The following IL4R variants were observed in gnomAD, a reference collection of about 807,000 sequenced individuals.
The protein encoded by IL4R is interleukin-4 receptor subunit alpha.
Under a neutral mutation model 41.5 loss-of-function variants are expected in IL4R, and 17 were observed. The ratio of observed to expected loss-of-function variants is 0.41; its 90% confidence interval spans 0.28 to 0.61. IL4R has a LOEUF of 0.61. Among genes scored for constraint, IL4R ranks in the 20% least tolerant of loss-of-function variants. The pLI is 0.31. For synonymous variants in IL4R, 402 were observed against 422.9 expected, an observed-to-expected ratio of 0.95 and a Z score of 0.61; for missense variants, 974 against 1,043.1, an observed-to-expected ratio of 0.93 and a Z score of 0.91.
chr16:27,325,174 A>G (rs1460206214), intron 1 of IL4R, among the ~76,000 whole-genome samples: 2 of 150,826 alleles, frequency 1.3e-5, no homozygotes, highest in Non-Finnish European at 3.0e-5. Context: ...TGCTCCAGCC[A>G]AGGGCCCCGC....
chr16:27,338,855 A>G (rs1314988048), intron 2 of IL4R, among the ~76,000 whole-genome samples: 1 of 151,544 alleles, frequency 6.6e-6, no homozygotes, highest in Non-Finnish European at 1.5e-5. Flanking sequence ...TTATTTATTT[A>G]TTATTTATTT....
intron 2 of IL4R, among the ~76,000 whole-genome samples, chr16:27,337,819 T>C (rs983402762): frequency 6.6e-6 from 1 of 151,600 alleles, no homozygotes; most frequent in African/African-American, 2.4e-5. Context: ...CCTAAAGTGC[T>C]GGGATTACAG....
At chr16:27,314,164 C>G in intron 1 of IL4R, 144 bp downstream of exon 1, 1 of 939,328 alleles carries the variant, frequency 1.1e-6, no homozygotes, top group Non-Finnish European at 1.3e-6. Flanking sequence ...CCGCGACTCT[C>G]GGTGCGCGCG....
At chr16:27,320,399 C>G (rs1332710190) in intron 1 of IL4R, among the ~76,000 whole-genome samples, 1 of 152,206 alleles carries the variant, frequency 6.6e-6, no homozygotes, top group African/African-American at 2.4e-5. Flanking sequence ...GCCCCAACCA[C>G]GGCCTCTGGC....
chr16:27,362,405 C>G lies in IL4R; in HGVS notation c.1053C>G (p.Leu351=). The G allele has an allele frequency of 6.2e-7, 1 of 1,614,140 alleles. No individual in the cohort carries two copies. The highest frequency in any genetic ancestry group is 2.2e-5 in the East Asian group (1 of 44,876). ...CAGTGGAGATCAGCAAGACAGTCCT[C>G]TGGCCAGAGAGCATCAGCGTGGTGC... ...WCPVEISKTV[L]WPESISVVRC... Residue 351 remains leucine, a synonymous_variant, in exon 11 of 11, where the codon CTC becomes CTG. Coordinates refer to ENST00000395762, the MANE Select transcript of IL4R (RefSeq NM_000418.4).
At chr16:27,313,880 G>A (rs1351455220), upstream of IL4R, 2 of 981,582 alleles carry the variant, frequency 2.0e-6, no homozygotes, top group Non-Finnish European at 2.4e-6. Context: ...CCGGGCGCCG[G>A]GGCGGGGAGC....
intron 1 of IL4R, among the ~76,000 whole-genome samples, chr16:27,319,376 A>T (rs1386966957): frequency 6.6e-6 from 1 of 152,232 alleles, no homozygotes; most frequent in Non-Finnish European, 1.5e-5. Flanking sequence ...CCAGGGTCAC[A>T]CACCTGAAGG....
chr16:27,346,698 C>T (rs943213203), intron 6 of IL4R, 80 bp downstream of exon 6: 2 of 1,498,318 alleles, frequency 1.3e-6, no homozygotes, highest in African/African-American at 2.8e-5. Flanking sequence ...GTCCCTGGAG[C>T]CAGGAGCCTG....
chr16:27,352,802 C>T, intron 7 of IL4R, 106 bp downstream of exon 7: 1 of 1,140,796 alleles, frequency 8.8e-7, no homozygotes, highest in Non-Finnish European at 1.3e-6. Flanking sequence ...TCATAGGATG[C>T]CTCTAATGGC....
In IL4R at chr16:27,337,163, G is replaced by C. The variant is rs143021546; in HGVS notation, c.-18-3023G>C. ...GGTGGCAGGCGTAGGATGCATGGGT[G>C]CTGGGCCCAGGTGGAGAGGGAGGTG... On this transcript the variant is annotated intron_variant, in intron 2 of 10. Coordinates refer to ENST00000395762, the MANE Select transcript of IL4R (RefSeq NM_000418.4). 8.1e-3 allele frequency among the ~76,000 whole-genome samples: 1,235 copies of C among 152,218 alleles called. 13 individuals are homozygous for C. The highest frequency in any genetic ancestry group is 0.014 in the Middle Eastern group (4 of 294).
intron 2 of IL4R, among the ~76,000 whole-genome samples, chr16:27,337,580 T>C (rs1255560879): frequency 1.3e-5 from 2 of 151,586 alleles, no homozygotes; most frequent in African/African-American, 4.8e-5. Flanking sequence ...TTTTTCTTTT[T>C]TTTTTTTTTC....
chr16:27,353,834 G>GT (rs1447541817), intron 7 of IL4R, among the ~76,000 whole-genome samples: 1 of 152,140 alleles, frequency 6.6e-6, no homozygotes, highest in South Asian at 2.1e-4. Context: ...GATGCTAGGT[G>GT]TGAGAGGTTA....
chr16:27,361,065 A>G, intron 10 of IL4R: 1 of 1,394,072 alleles, frequency 7.2e-7, no homozygotes, highest in Non-Finnish European at 9.3e-7. Flanking sequence ...GTTAACAACC[A>G]GAGCAGCCGT....
intron 2 of IL4R, among the ~76,000 whole-genome samples, chr16:27,335,216 G>A (rs189797085): frequency 1.2e-4 from 18 of 152,242 alleles, no homozygotes; most frequent in African/African-American, 3.8e-4. Context: ...TTGTTGGTGA[G>A]TTTAGATCAC....
rs2086396256 is a variant in IL4R at position 27,363,720 on chromosome 16, A to G, written c.2368A>G (p.Lys790Glu). 4 of 1,613,824 alleles carry G rather than the reference A, an allele frequency of 2.5e-6. No homozygotes were observed. The African/African-American group carries it at 4.0e-5, about 16-fold the overall frequency. ...ACCCTCGGGCATCTCAGAGAAGAGT[A>G]AATCCTCATCATCCTTCCATCCTGC... is the stretch of plus-strand genomic sequence containing the variant. ...LAPSGISEKS[K>E]SSSSFHPAPG... Residue 790 changes from lysine (K) to glutamate (E), a missense_variant, in exon 11 of 11, where the codon AAA becomes GAA. Physicochemically the swap from Lys to Glu is moderately conservative, Grantham distance 56. This residue lies in a region of IL4R where 682 missense variants were observed against 704.3 expected (regional missense o/e 0.97). Coordinates refer to ENST00000395762, the MANE Select transcript of IL4R (RefSeq NM_000418.4).
In IL4R at chr16:27,342,182, C is replaced by T. The variant is rs930075388; in HGVS notation, c.132C>T (p.Cys44=). 3.7e-6 allele frequency: 6 copies of T among 1,614,176 alleles called. No homozygotes were observed. Among genetic ancestry groups the T allele is most frequent in the Non-Finnish European group, 4.2e-6 (5 of 1,180,006 alleles). ...CVSDYMSIST[C]EWKMNGPTNC... is the part of the protein sequence containing the mutation. ...CCGACTACATGAGCATCTCTACTTG[C>T]GAGTGGAAGATGAATGGTCCCACCA... The change falls in exon 4 of 11, where the codon TGC becomes TGT. Residue 44 remains cysteine, a synonymous_variant. Coordinates refer to ENST00000395762, the MANE Select transcript of IL4R (RefSeq NM_000418.4).
At chr16:27,320,111 C>T (rs1010664636) in intron 1 of IL4R, among the ~76,000 whole-genome samples, 2 of 152,130 alleles carry the variant, frequency 1.3e-5, no homozygotes, top group South Asian at 4.1e-4. Flanking sequence ...AGGTGATCCA[C>T]CTGCCTCAGT....
chr16:27,345,104 G>A lies in IL4R; in HGVS notation c.361+84G>A, dbSNP rs2085594532. 3 of 1,036,894 alleles carry A rather than the reference G, an allele frequency of 2.9e-6. No individual in the cohort carries two copies. The highest frequency in any genetic ancestry group is 4.4e-6 in the Non-Finnish European group (3 of 689,536). The allele number at this position is 1,036,894 out of a possible 1,614,324, so 64.2% of individuals were successfully genotyped here. On this transcript the variant is annotated intron_variant, in intron 5 of 10. Transcript: ENST00000395762. This position sits in a 1 kb window ranked among gnomAD's most constrained non-coding sequence, Gnocchi z 4.5. ...GAGGGTGGGGTGGGCAGGGGAGGAG[G>A]TGGGGTCATAGCAACAGCAGGAGGA...
At chr16:27,355,677 AG>A in intron 7 of IL4R, 130 bp from the exon 8 acceptor site, 2 of 619,106 alleles carry the variant, frequency 3.2e-6, no homozygotes, top group Non-Finnish European at 5.8e-6. Context: ...GATGAGGTGG[AG>A]GGGTGGTCGG....
Sources: allele counts gnomAD v4.1 joint callset (sites outside exome capture counted in the v4.1 genomes callset), GRCh38; gene constraint gnomAD v4.1.1; regional missense constraint gnomAD v4.1.1; non-coding constraint Gnocchi (gnomAD v3.1); transcripts MANE v1.5; gene names NCBI Gene and HGNC (gene_info 2026-07-23, HGNC 2026-07-21).